The following STX18 variants were observed in gnomAD, a reference collection of about 807,000 sequenced individuals.
STX18 encodes the protein syntaxin 18.
Under a neutral mutation model 50.1 loss-of-function variants are expected in STX18, and 40 were observed. The observed-to-expected ratio is 0.80, with a 90% CI of 0.62 to 1.04. The LOEUF (loss-of-function observed/expected upper bound fraction) is 1.04. STX18 is among the 50% of genes least tolerant of loss of function. The probability of loss-of-function intolerance (pLI) is 0.00; values close to 1 mark genes in which losing one functional copy is unlikely to be tolerated. For synonymous variants in STX18, 158 were observed against 151.8 expected (o/e 1.04, Z -0.30); for missense variants, 410 against 415.8 (o/e 0.99, Z 0.12).
intron 1 of STX18, among the ~76,000 whole-genome samples, chr4:4,472,373 C>T (rs994736889): frequency 6.6e-5 from 10 of 152,192 alleles, no homozygotes; most frequent in Non-Finnish European, 1.2e-4. Context: ...GTGGGAAGAA[C>T]GCTCAGACCA....
At chr4:4,444,928 C>G (rs1430433838) in intron 5 of STX18, among the ~76,000 whole-genome samples, 1 of 152,048 alleles carries the variant, frequency 6.6e-6, no homozygotes, top group African/African-American at 2.4e-5. Flanking sequence ...GTCCCTTAAT[C>G]AAGAGCAAGG....
Position 4,433,851 on chromosome 4 carries a change from T to C in STX18, c.702+919A>G, listed in dbSNP as rs573593619. ...GGATCCCATTCTTCCTCAACAGAGCTGTCTTCATGCTCCACTCCTTATCTT... is the reference window on the plus strand; with the variant it reads ...GGATCCCATTCTTCCTCAACAGAGCCGTCTTCATGCTCCACTCCTTATCTT... On this transcript the variant is annotated intron_variant, in intron 7 of 10. Coordinates refer to ENST00000306200, the MANE Select transcript of STX18 (RefSeq NM_016930.4). 2.0e-5 allele frequency among the ~76,000 whole-genome samples: 3 copies of C among 152,344 alleles called. No homozygotes were observed. In the South Asian group the frequency reaches 6.2e-4, roughly 32 times the overall value.
At chr4:4,485,046 A>G (rs1728642554) in intron 1 of STX18, among the ~76,000 whole-genome samples, 3 of 152,176 alleles carry the variant, frequency 2.0e-5, no homozygotes, top group Admixed American at 2.0e-4. Flanking sequence ...GAGAGTGTGC[A>G]TGCATGCTGC....
intron 2 of STX18, among the ~76,000 whole-genome samples, chr4:4,463,044 A>G (rs1727460106): frequency 6.6e-6 from 1 of 152,210 alleles, no homozygotes; most frequent in Admixed American, 6.5e-5. Context: ...TTGCAGAAGA[A>G]CACCCGGATG....
At chr4:4,503,963 T>C (rs1413716426) in intron 1 of STX18, among the ~76,000 whole-genome samples, 1 of 152,192 alleles carries the variant, frequency 6.6e-6, no homozygotes, top group Non-Finnish European at 1.5e-5. Context: ...GTCAGATTAA[T>C]AGATACATAT....
intron 2 of STX18, among the ~76,000 whole-genome samples, chr4:4,467,388 G>A (rs889853006): frequency 6.6e-6 from 1 of 152,182 alleles, no homozygotes; most frequent in Non-Finnish European, 1.5e-5. Flanking sequence ...AGGCAAGATG[G>A]AGTTGATTAG....
intron 5 of STX18, chr4:4,453,743 A>T: frequency 1.1e-6 from 1 of 901,806 alleles, no homozygotes; most frequent in Non-Finnish European, 1.3e-6. Flanking sequence ...GCTTTCAGAC[A>T]AATGTGTCCA....
intron 5 of STX18, among the ~76,000 whole-genome samples, chr4:4,449,632 G>T (rs1413530797): frequency 1.3e-5 from 2 of 152,290 alleles, no homozygotes; most frequent in East Asian, 3.9e-4. Context: ...ATCCTATTAG[G>T]TTGTGTGTGA....
chr4:4,497,490 G>A (rs1243056499), intron 1 of STX18, among the ~76,000 whole-genome samples: 7 of 152,068 alleles, frequency 4.6e-5, no homozygotes, highest in Admixed American at 3.9e-4. Context: ...CTTACGTAAC[G>A]CTATGCACCA....
chr4:4,429,607 C>A lies in STX18; in HGVS notation c.703-4385G>T, dbSNP rs56036511. ...CCAGACGTGCTTTCTCTGTACCAAA[C>A]CCCTTCACACTTCTGGCTGTGTGAC... On this transcript the variant is annotated intron_variant, in intron 7 of 10. Transcript: ENST00000306200. Among the ~76,000 whole-genome samples, 1,496 of 152,330 alleles carry A rather than the reference C, an allele frequency of 9.8e-3. 13 individuals are homozygous for A. The highest frequency in any genetic ancestry group is 0.026 in the South Asian group (125 of 4,830).
intron 9 of STX18, among the ~76,000 whole-genome samples, chr4:4,421,532 G>A (rs974205784): frequency 6.6e-6 from 1 of 152,168 alleles, no homozygotes; most frequent in Non-Finnish European, 1.5e-5. Flanking sequence ...TGGGATTACA[G>A]GCATGAGCCA....
intron 5 of STX18, among the ~76,000 whole-genome samples, chr4:4,448,103 G>C (rs954172028): frequency 6.6e-6 from 1 of 152,082 alleles, no homozygotes; most frequent in Non-Finnish European, 1.5e-5. Flanking sequence ...CGAGTGGTAG[G>C]GGGCTTTCTC....
intron 9 of STX18, among the ~76,000 whole-genome samples, chr4:4,422,247 A>C (rs62289795): frequency 0.011 from 1,743 of 152,142 alleles, 14 homozygotes; most frequent in Non-Finnish European, 0.016. Context: ...AAAAACAAGA[A>C]AGACACATTG....
At chr4:4,421,015 G>A (rs991454029) in intron 9 of STX18, 71 bp from the exon 10 acceptor site, 11 of 1,456,542 alleles carry the variant, frequency 7.6e-6, no homozygotes, top group South Asian at 1.1e-5. Flanking sequence ...ATGCTCCAAC[G>A]AGCATTTCCT....
chr4:4,496,508 T>A (rs923366714), intron 1 of STX18, among the ~76,000 whole-genome samples: 18 of 152,206 alleles, frequency 1.2e-4, no homozygotes, highest in African/African-American at 3.9e-4. Flanking sequence ...CTTGTGGCCC[T>A]GTCTTTGCAG....
At chr4:4,450,583 C>G (rs1221736296) in intron 5 of STX18, among the ~76,000 whole-genome samples, 2 of 152,294 alleles carry the variant, frequency 1.3e-5, no homozygotes, top group African/African-American at 4.8e-5. Context: ...GGATTACAGG[C>G]GTGAGCCACT....
chr4:4,489,184 G>C (rs1486542890), intron 1 of STX18, among the ~76,000 whole-genome samples: 1 of 151,960 alleles, frequency 6.6e-6, no homozygotes, highest in Non-Finnish European at 1.5e-5. Context: ...AAGTGAATGG[G>C]AATAAAATGC....
chr4:4,454,316 G>A (rs1335482894), intron 5 of STX18, among the ~76,000 whole-genome samples: 1 of 152,246 alleles, frequency 6.6e-6, no homozygotes, highest in Non-Finnish European at 1.5e-5. Flanking sequence ...TGTGGCAGGA[G>A]ACAAGGCTAT....
rs562520099 is a variant in STX18, at chr4:4,440,048, T to A, written c.498-1539A>T. Reference sequence around the variant, plus strand: ...CATAAATATATGTTGAATGAATGAGTGCATTATAAATACAAGTAACTGGTT... The same window carrying A: ...CATAAATATATGTTGAATGAATGAGAGCATTATAAATACAAGTAACTGGTT... On this transcript the variant is annotated intron_variant, in intron 5 of 10. Transcript: ENST00000306200. 9.2e-5 allele frequency among the ~76,000 whole-genome samples: 14 copies of A among 152,324 alleles called. No homozygotes were observed. In the South Asian group the frequency reaches 2.1e-3, roughly 23 times the overall value.
Sources: gnomAD v4.1 joint callset for allele counts (sites outside exome capture counted in the v4.1 genomes callset) on GRCh38, gnomAD v4.1.1 for gene constraint, MANE v1.5 for transcripts, NCBI Gene and HGNC (gene_info 2026-07-23, HGNC 2026-07-21) for gene names.